The following GALNT1 variants were observed in gnomAD, a reference collection of about 807,000 sequenced individuals.
The protein encoded by GALNT1 is GalNAc transferase 1.
Under a neutral mutation model 65.7 loss-of-function variants are expected in GALNT1, and 17 were observed. That is an observed-to-expected ratio of 0.26 (90% CI 0.18 to 0.39). The LOEUF (loss-of-function observed/expected upper bound fraction) is 0.39, where lower values mean the gene tolerates loss of function less well. GALNT1 is among the 10% of genes least tolerant of loss of function. The pLI, the probability that GALNT1 is intolerant of heterozygous loss-of-function variation, is 1.00. For synonymous variants in GALNT1, 210 were observed against 219.7 expected (o/e 0.96, Z 0.39); for missense variants, 460 against 672.8 (o/e 0.68, Z 3.50).
intron 1 of GALNT1, among the ~76,000 whole-genome samples, chr18:35,629,408 A>G (rs1003527056): frequency 6.6e-6 from 1 of 152,226 alleles, no homozygotes; most frequent in Non-Finnish European, 1.5e-5. Flanking sequence ...GTGGGGGCCA[A>G]TATTCAACAT....
At position 35,643,595 on chromosome 18, in the gene GALNT1, CT is replaced by C. The variant is rs375679589; in HGVS notation, c.-103-10964del. Among the ~76,000 whole-genome samples, 52 of 152,142 alleles carry C rather than the reference CT, an allele frequency of 3.4e-4. 1 individual carries two copies. The highest frequency in any genetic ancestry group is 6.3e-4 in the Non-Finnish European group (43 of 67,990). Reference sequence around the variant, plus strand: ...TGGCTACCACAGTGAAACCCCATCTCTACAAATTCAAAAAATGAGCAGGGCG... The same window carrying C: ...TGGCTACCACAGTGAAACCCCATCTCACAAATTCAAAAAATGAGCAGGGCG... On this transcript the variant is annotated intron_variant, in intron 1 of 11. Transcript: ENST00000269195.
Position 35,600,790 on chromosome 18 carries a change from C to T in GALNT1, c.-104+18928C>T, listed in dbSNP as rs547517734. On this transcript the variant is annotated intron_variant, in intron 1 of 11. Transcript: ENST00000269195. ...TCTTGCATCACTGGGAAGAATCTCA[C>T]TTGATCGTGGTGAATGATTTTTTTA... 8.5e-5 allele frequency among the ~76,000 whole-genome samples: 13 copies of T among 152,234 alleles called. 1 individual carries two copies. The South Asian group carries it at 2.7e-3, about 32-fold the overall frequency.
chr18:35,653,709 T>A (rs1235488606), intron 1 of GALNT1, among the ~76,000 whole-genome samples: 1 of 152,222 alleles, frequency 6.6e-6, no homozygotes, highest in Admixed American at 6.5e-5. Flanking sequence ...AAGACACCTA[T>A]GCTCAAACTA....
intron 3 of GALNT1, among the ~76,000 whole-genome samples, chr18:35,672,279 G>A (rs2047648010): frequency 2.6e-5 from 4 of 152,210 alleles, no homozygotes; most frequent in Admixed American, 2.6e-4. Context: ...TGACTCCAAA[G>A]GGACTTTTCC....
intron 11 of GALNT1, among the ~76,000 whole-genome samples, chr18:35,704,231 A>G (rs1220977882): frequency 6.6e-6 from 1 of 152,104 alleles, no homozygotes. Context: ...ACCAGCACCA[A>G]CATCTTCAAT....
At chr18:35,597,789 G>A (rs750020531) in intron 1 of GALNT1, among the ~76,000 whole-genome samples, 2 of 152,206 alleles carry the variant, frequency 1.3e-5, no homozygotes, top group Admixed American at 6.5e-5. Context: ...TAATAAAACA[G>A]TTTACATCTT....
At chr18:35,702,129 A>T (rs796937947) in intron 9 of GALNT1, among the ~76,000 whole-genome samples, 13 of 152,320 alleles carry the variant, frequency 8.5e-5, no homozygotes, top group African/African-American at 3.1e-4. Context: ...ATATGTGTTT[A>T]TAGAAGTAAC....
At chr18:35,678,159 T>C (rs761892597) in intron 4 of GALNT1, among the ~76,000 whole-genome samples, 41 of 152,304 alleles carry the variant, frequency 2.7e-4, no homozygotes, top group Middle Eastern at 3.4e-3. Flanking sequence ...TAGTAGGAAA[T>C]ATCTCTGACA....
At chr18:35,599,582 C>T (rs2046554647) in intron 1 of GALNT1, among the ~76,000 whole-genome samples, 1 of 152,114 alleles carries the variant, frequency 6.6e-6, no homozygotes, top group African/African-American at 2.4e-5. Flanking sequence ...AGGCTGGTCC[C>T]AAACTCCTGA....
chr18:35,643,124 C>T (rs1023162855), intron 1 of GALNT1, among the ~76,000 whole-genome samples: 1 of 151,954 alleles, frequency 6.6e-6, no homozygotes, highest in African/African-American at 2.4e-5. Flanking sequence ...GGTTAAGGGT[C>T]AGAATCATGA....
Position 35,692,233 on chromosome 18 carries a change from C to CA in GALNT1, c.1215dup (p.Leu406ThrfsTer16). The CA allele has an allele frequency of 6.2e-7, 1 of 1,610,302 alleles. No individual in the cohort carries two copies. Among genetic ancestry groups the CA allele is most frequent in the Non-Finnish European group, 8.5e-7 (1 of 1,177,044 alleles). ...TATCGTCAAGAGTTGGTCTAAGACA[C>CA]AAACTACAATGCAAACCTTTTTCCT... On this transcript the variant is annotated frameshift_variant, in exon 9 of 12. Transcript: ENST00000269195. LOFTEE classifies it high-confidence loss of function.
At chr18:35,656,141 A>G (rs1329150286) in intron 2 of GALNT1, among the ~76,000 whole-genome samples, 1 of 152,252 alleles carries the variant, frequency 6.6e-6, no homozygotes. Context: ...CCCAAATAGA[A>G]TGGAATAAAT....
rs1041025143 is a variant in GALNT1 at position 35,710,117 on chromosome 18, A to G, written c.*347A>G. The G allele has an allele frequency of 5.5e-6, 1 of 181,520 alleles. No individual in the cohort carries two copies. The highest frequency in any genetic ancestry group is 1.3e-4 in the East Asian group (1 of 7,508). The allele number at this position is 181,520 out of a possible 1,614,324, so 11.2% of individuals were successfully genotyped here. A position where few individuals can be genotyped will look rare whatever the true frequency, so the allele number is the denominator to read the frequency against. ...TGTACCTTTTATGGTTTGCTTGCACATCAGTAGTTTCTGCTGAACGTGCTG... is the reference window on the plus strand; with the variant it reads ...TGTACCTTTTATGGTTTGCTTGCACGTCAGTAGTTTCTGCTGAACGTGCTG... On this transcript the variant is annotated 3_prime_UTR_variant, in exon 12 of 12. Transcript: ENST00000269195.
chr18:35,686,735 CAA>C (rs1180700342), intron 5 of GALNT1, among the ~76,000 whole-genome samples: 1 of 150,054 alleles, frequency 6.7e-6, no homozygotes, highest in East Asian at 1.9e-4. Flanking sequence ...ATATAAAAAA[CAA>C]AAAAAAAATT....
chr18:35,630,769 GT>G (rs1568019392), intron 1 of GALNT1, among the ~76,000 whole-genome samples: 3 of 152,106 alleles, frequency 2.0e-5, no homozygotes, highest in African/African-American at 7.2e-5. Context: ...CCAGGAGCTG[GT>G]TTTTTGAAAA....
intron 1 of GALNT1, among the ~76,000 whole-genome samples, chr18:35,628,802 G>T (rs1032063841): frequency 6.6e-6 from 1 of 152,162 alleles, no homozygotes; most frequent in Non-Finnish European, 1.5e-5. Context: ...CCAACGCAAA[G>T]AAGTTAAAAA....
At chr18:35,700,421 C>G (rs1400744969) in intron 9 of GALNT1, among the ~76,000 whole-genome samples, 2 of 152,204 alleles carry the variant, frequency 1.3e-5, no homozygotes, top group African/African-American at 2.4e-5. Flanking sequence ...ATCTGGGTCT[C>G]TGACCATGCC....
At chr18:35,687,253 A>G in intron 6 of GALNT1, 67 bp downstream of exon 6, 28 of 1,453,848 alleles carry the variant, frequency 1.9e-5, no homozygotes, top group South Asian at 2.6e-5. Context: ...TTTGGGAATC[A>G]TATCAAATGG....
chr18:35,687,979 T>C (rs1323606977), intron 6 of GALNT1, among the ~76,000 whole-genome samples: 1 of 152,202 alleles, frequency 6.6e-6, no homozygotes, highest in Non-Finnish European at 1.5e-5. Flanking sequence ...TGTGTGCTTT[T>C]TTCCTTAGCC....
Sources: gnomAD v4.1 joint callset for allele counts (sites outside exome capture counted in the v4.1 genomes callset) on GRCh38, gnomAD v4.1.1 for gene constraint, MANE v1.5 for transcripts, NCBI Gene and HGNC (gene_info 2026-07-23, HGNC 2026-07-21) for gene names.